ERC1: variants seen among roughly 807,000 people sequenced by gnomAD.
ERC1 encodes the protein RAB6 interacting protein 2.
A neutral mutation model predicts 132.0 loss-of-function variants in ERC1; 56 were observed. The ratio of observed to expected loss-of-function variants is 0.42; its 90% confidence interval spans 0.34 to 0.53. The LOEUF (loss-of-function observed/expected upper bound fraction) is 0.53, where lower values mean the gene tolerates loss of function less well. ERC1 is among the 20% of genes least tolerant of loss of function. ERC1 has a pLI of 0.03. For missense variants in ERC1, 1,202 were observed against 1,349.9 expected (o/e 0.89, Z 1.72); for synonymous variants, 478 against 476.1 (o/e 1.00, Z -0.05).
chr12:1,146,780 C>G (rs980992003), intron 8 of ERC1, among the ~76,000 whole-genome samples: 1 of 151,210 alleles, frequency 6.6e-6, no homozygotes, highest in South Asian at 2.1e-4. Flanking sequence ...CCCCAACCCC[C>G]ACCCCACAAC....
chr12:1,139,379 T>C (rs1277294518), intron 7 of ERC1, among the ~76,000 whole-genome samples: 3 of 152,208 alleles, frequency 2.0e-5, no homozygotes. Flanking sequence ...TATTTAATAA[T>C]GGCCCCAAAG....
At chr12:1,056,257 T>A (rs151108818) in intron 2 of ERC1, among the ~76,000 whole-genome samples, 301 of 152,280 alleles carry the variant, frequency 2.0e-3, no homozygotes, top group African/African-American at 6.6e-3. Flanking sequence ...TAATGAAGAA[T>A]AAGATTTAGT....
chr12:1,474,494 T>C (rs1011299049), intron 18 of ERC1, among the ~76,000 whole-genome samples: 1 of 152,224 alleles, frequency 6.6e-6, no homozygotes, highest in Non-Finnish European at 1.5e-5. Flanking sequence ...AACTGTATTT[T>C]CTCTTTTACA....
At chr12:1,285,532 T>C (rs757412305) in intron 14 of ERC1, among the ~76,000 whole-genome samples, 2 of 152,144 alleles carry the variant, frequency 1.3e-5, no homozygotes, top group African/African-American at 4.8e-5. Context: ...TAGAAAGATA[T>C]AAAGATATCT....
At chr12:1,428,081 T>A (rs1481179183) in intron 17 of ERC1, among the ~76,000 whole-genome samples, 1 of 152,210 alleles carries the variant, frequency 6.6e-6, no homozygotes, top group Non-Finnish European at 1.5e-5. Flanking sequence ...ACATATGCAC[T>A]CAGATCCGTG....
chr12:1,043,625 T>G (rs576100194), intron 2 of ERC1, among the ~76,000 whole-genome samples: 1 of 152,264 alleles, frequency 6.6e-6, no homozygotes, highest in South Asian at 2.1e-4. Context: ...CCTCATACCA[T>G]ATGATTTTCA....
chr12:1,092,278 T>G (rs978288685), intron 3 of ERC1, among the ~76,000 whole-genome samples: 3 of 152,200 alleles, frequency 2.0e-5, no homozygotes, highest in Non-Finnish European at 4.4e-5. Context: ...ATTATAGGCG[T>G]GAGCCACCGC....
intron 16 of ERC1, among the ~76,000 whole-genome samples, chr12:1,387,822 G>A (rs548844679): frequency 3.6e-4 from 55 of 152,230 alleles, no homozygotes; most frequent in African/African-American, 1.2e-3. Context: ...CATTTCTTAC[G>A]GCAGCTCCAG....
At position 1,100,256 on chromosome 12, in the gene ERC1, G is replaced by A. The variant is rs533246938; in HGVS notation, c.1087-4494G>A. Among the ~76,000 whole-genome samples the A allele has an allele frequency of 2.0e-5, 3 of 152,260 alleles. No individual in the cohort carries two copies. In the East Asian group the frequency reaches 5.8e-4, roughly 29 times the overall value. ...TCAAGAGGGTGACTGACATGTTGAG[G>A]AAAAGCAAAGAGGTGAGTCTGGCTG... On this transcript the variant is annotated intron_variant, in intron 3 of 18. Coordinates refer to ENST00000360905, the MANE Select transcript of ERC1 (RefSeq NM_178040.4).
At chr12:1,438,564 C>A (rs1316677050) in intron 17 of ERC1, among the ~76,000 whole-genome samples, 1 of 152,146 alleles carries the variant, frequency 6.6e-6, no homozygotes, top group South Asian at 2.1e-4. Context: ...GGGCTCTGAG[C>A]TAGCCACAGA....
At chr12:1,373,553 G>A (rs765944221) in intron 16 of ERC1, among the ~76,000 whole-genome samples, 31 of 152,214 alleles carry the variant, frequency 2.0e-4, no homozygotes, top group Non-Finnish European at 3.1e-4. Flanking sequence ...AGGCCAAGGC[G>A]GGTGGATCAT....
intron 15 of ERC1, among the ~76,000 whole-genome samples, chr12:1,324,869 A>G (rs2082341983): frequency 6.6e-6 from 1 of 152,214 alleles, no homozygotes; most frequent in African/African-American, 2.4e-5. Context: ...AAGTGAATGA[A>G]GTATTTTCAA....
chr12:1,298,824 T>C lies in ERC1; in HGVS notation c.2780+8812T>C, dbSNP rs150635068. Among the ~76,000 whole-genome samples, 422 of 151,334 alleles carry C rather than the reference T, an allele frequency of 2.8e-3. 1 individual carries two copies. The highest frequency in any genetic ancestry group is 9.4e-3 in the African/African-American group (387 of 41,232). ...GCTGTACATAAGACCTGTACTATCATAAACACTGGCTGGAATTAACGGAAA... is the reference window on the plus strand; with the variant it reads ...GCTGTACATAAGACCTGTACTATCACAAACACTGGCTGGAATTAACGGAAA... On this transcript the variant is annotated intron_variant, in intron 15 of 18. Transcript: ENST00000360905.
At chr12:1,289,812 T>A (rs1388784274) in intron 14 of ERC1, 40 bp from the exon 15 acceptor site, 1 of 1,582,014 alleles carries the variant, frequency 6.3e-7, no homozygotes, top group African/African-American at 1.3e-5. Context: ...CTCTGATTGA[T>A]CAAGACACTC....
chr12:1,253,824 T>G (rs916423506), intron 13 of ERC1, among the ~76,000 whole-genome samples: 2 of 152,212 alleles, frequency 1.3e-5, no homozygotes, highest in African/African-American at 4.8e-5. Flanking sequence ...AGTCTCTCCC[T>G]GTTAATCTGC....
chr12:1,141,603 A>C lies in ERC1; in HGVS notation c.1570-17A>C. On this transcript the variant is annotated splice_polypyrimidine_tract_variant and intron_variant, in intron 7 of 18. Coordinates refer to ENST00000360905, the MANE Select transcript of ERC1 (RefSeq NM_178040.4). ...TTTCTTTTTAATTCATCACTTGTAA[A>C]ACTCCTACATTCTTAGGTGGATGCT... The C allele has an allele frequency of 6.3e-7, 1 of 1,586,392 alleles. No individual in the cohort carries two copies. The highest frequency in any genetic ancestry group is 1.2e-5 in the South Asian group (1 of 85,868).
At chr12:1,060,826 C>T (rs954704594) in intron 2 of ERC1, among the ~76,000 whole-genome samples, 7 of 151,552 alleles carry the variant, frequency 4.6e-5, no homozygotes, top group Non-Finnish European at 8.8e-5. Context: ...CCTGGGTTCA[C>T]GCCATTCTCC....
rs569200041 is a variant in ERC1, at chr12:1,341,716, A to G, written c.2781-30117A>G. Among the ~76,000 whole-genome samples, 3 of 152,222 alleles carry G rather than the reference A, an allele frequency of 2.0e-5. No homozygotes were observed. The South Asian group carries it at 6.3e-4, about 32-fold the overall frequency. ...TAGGAGAAATAACTAATGTAAATGA[A>G]GAGTTGATGGGTGCAGCAAACCAAC... On this transcript the variant is annotated intron_variant, in intron 15 of 18. Coordinates refer to ENST00000360905, the MANE Select transcript of ERC1 (RefSeq NM_178040.4).
intron 7 of ERC1, among the ~76,000 whole-genome samples, chr12:1,132,538 A>C (rs1279026882): frequency 6.6e-6 from 1 of 152,172 alleles, no homozygotes; most frequent in Non-Finnish European, 1.5e-5. Context: ...ACTTAACTGA[A>C]TCATGGATCC....
Sources: allele counts gnomAD v4.1 joint callset (sites outside exome capture counted in the v4.1 genomes callset), GRCh38; gene constraint gnomAD v4.1.1; transcripts MANE v1.5; gene names NCBI Gene and HGNC (gene_info 2026-07-23, HGNC 2026-07-21).